Variants in ZDHHC11B observed in about 807,000 individuals in gnomAD.
ZDHHC11B encodes zDHHC palmitoyltransferase 11B (putative).
In ZDHHC11B, 17 loss-of-function variants were observed where a neutral mutation model predicts 42.3. That is an observed-to-expected ratio of 0.40 (90% CI 0.27 to 0.60). The LOEUF (loss-of-function observed/expected upper bound fraction) is 0.60. Among genes scored for constraint, ZDHHC11B ranks in the 20% least tolerant of loss-of-function variants. ZDHHC11B has a pLI of 0.41. For missense variants in ZDHHC11B, 262 were observed against 463.2 expected, an observed-to-expected ratio of 0.57 and a Z score of 3.99; for synonymous variants, 123 against 193.5, an observed-to-expected ratio of 0.64 and a Z score of 3.02.
At chr5:766,050 G>A (rs1158884880) in intron 4 of ZDHHC11B, among the ~76,000 whole-genome samples, 1 of 151,900 alleles carries the variant, frequency 6.6e-6, no homozygotes, top group Non-Finnish European at 1.5e-5. Context: ...ATGTCTCAGT[G>A]ACCCTAGGGG....
intron 12 of ZDHHC11B, among the ~76,000 whole-genome samples, chr5:717,652 G>T (rs1293420556): frequency 5.9e-5 from 9 of 151,818 alleles, no homozygotes; most frequent in South Asian, 2.1e-4. Context: ...GTAAGGACAG[G>T]ACATCAAAGA....
Position 714,954 on chromosome 5 carries a change from C to T in ZDHHC11B, c.*7+1847G>A, listed in dbSNP as rs1257449680. ...CCTTGTTGTTGAAAAGGGCCTGGAGCCTCCCCCAGCCCTTCGCCTCCTCTC... is the reference window on the plus strand; with the variant it reads ...CCTTGTTGTTGAAAAGGGCCTGGAGTCTCCCCCAGCCCTTCGCCTCCTCTC... On this transcript the variant is annotated intron_variant, in intron 13 of 13. Transcript: ENST00000508859. Among the ~76,000 whole-genome samples, 19 of 151,370 alleles carry T rather than the reference C, an allele frequency of 1.3e-4. 1 individual carries two copies. Among genetic ancestry groups the T allele is most frequent in the African/African-American group, 4.6e-4 (19 of 40,966 alleles).
In ZDHHC11B at chr5:730,482, G is replaced by T. The variant is rs769806845; in HGVS notation, c.1024-14C>A. ...ATCATCTGCTTCCTGTGGGGGGAAG[G>T]GAAGCAAAATTCTTAGGATGAACAA... On this transcript the variant is annotated splice_polypyrimidine_tract_variant and intron_variant, in intron 11 of 13. Coordinates refer to ENST00000508859, the MANE Select transcript of ZDHHC11B (RefSeq NM_001351303.2). 6.4e-7 allele frequency: 1 copy of T among 1,554,850 alleles called. No homozygotes were observed. Among genetic ancestry groups the T allele is most frequent in the Non-Finnish European group, 8.6e-7 (1 of 1,160,814 alleles).
chr5:758,588 G>A lies in ZDHHC11B; in HGVS notation c.223-2444C>T, dbSNP rs532381577. On this transcript the variant is annotated intron_variant, in intron 4 of 13. Coordinates refer to ENST00000508859, the MANE Select transcript of ZDHHC11B (RefSeq NM_001351303.2). Reference sequence around the variant, plus strand: ...CGTGGAGCTGCCTGAGCCCATTCCCGAGCCAGTCCCCAAACCTGCAGGCGC... The same window carrying A: ...CGTGGAGCTGCCTGAGCCCATTCCCAAGCCAGTCCCCAAACCTGCAGGCGC... Among the ~76,000 whole-genome samples, 72 of 151,660 alleles carry A rather than the reference G, an allele frequency of 4.7e-4. 1 individual carries two copies. The highest frequency in any genetic ancestry group is 1.5e-3 in the African/African-American group (62 of 41,324).
At chr5:742,046 A>T (rs1160827778) in intron 9 of ZDHHC11B, among the ~76,000 whole-genome samples, 1 of 134,004 alleles carries the variant, frequency 7.5e-6, no homozygotes, top group African/African-American at 2.7e-5. Flanking sequence ...CCTGATGTAG[A>T]ATGATGTTGA....
chr5:758,715 A>T (rs1358470457), intron 4 of ZDHHC11B, among the ~76,000 whole-genome samples: 1 of 151,692 alleles, frequency 6.6e-6, no homozygotes, highest in Non-Finnish European at 1.5e-5. Context: ...CTTCACCTGG[A>T]CAGCTCCCTG....
At chr5:773,134 T>A (rs1736192861) in intron 1 of ZDHHC11B, among the ~76,000 whole-genome samples, 1 of 151,740 alleles carries the variant, frequency 6.6e-6, no homozygotes, top group Non-Finnish European at 1.5e-5. Context: ...AAGAATACAT[T>A]TAGTTTTAAG....
chr5:762,772 C>G lies in ZDHHC11B; in HGVS notation c.222+3926G>C, dbSNP rs182425375. ...ATGATAGAAAAAAAAGCAAAGTAAA[C>G]CCAAGGTCAGTTGAAGGAAGTAGTA... On this transcript the variant is annotated intron_variant, in intron 4 of 13. Coordinates refer to ENST00000508859, the MANE Select transcript of ZDHHC11B (RefSeq NM_001351303.2). Among the ~76,000 whole-genome samples the G allele has an allele frequency of 3.0e-3, 450 of 151,484 alleles. 11 individuals are homozygous for G. The highest frequency in any genetic ancestry group is 0.014 in the South Asian group (66 of 4,762).
At chr5:746,285 G>A (rs1159675762) in intron 8 of ZDHHC11B, among the ~76,000 whole-genome samples, 1 of 146,212 alleles carries the variant, frequency 6.8e-6, no homozygotes, top group Non-Finnish European at 1.5e-5. Flanking sequence ...AGATGGCGGT[G>A]GGCACCCTGG....
At chr5:729,351 G>A (rs1742833407) in intron 12 of ZDHHC11B, among the ~76,000 whole-genome samples, 1 of 151,130 alleles carries the variant, frequency 6.6e-6, no homozygotes, top group Non-Finnish European at 1.5e-5. Context: ...AGAGGTCCTA[G>A]GCCAGGACGG....
intron 4 of ZDHHC11B, among the ~76,000 whole-genome samples, chr5:763,925 T>C (rs1734949953): frequency 6.6e-6 from 1 of 151,818 alleles, no homozygotes; most frequent in African/African-American, 2.4e-5. Flanking sequence ...AGCAAAAGCT[T>C]CACTGTTGAA....
chr5:727,969 A>G (rs1381292397), intron 12 of ZDHHC11B, among the ~76,000 whole-genome samples: 7 of 151,308 alleles, frequency 4.6e-5, no homozygotes, highest in Middle Eastern at 3.4e-3. Flanking sequence ...AAAAGACACG[A>G]TAAACACAAA....
intron 1 of ZDHHC11B, among the ~76,000 whole-genome samples, chr5:777,889 C>CA (rs534630532): frequency 0.018 from 2,674 of 151,030 alleles, 99 homozygotes; most frequent in African/African-American, 0.061. Flanking sequence ...CGGGAGGCCC[C>CA]AGCACCGAGG....
chr5:715,976 T>C (rs1434476090), intron 13 of ZDHHC11B, among the ~76,000 whole-genome samples: 12 of 150,806 alleles, frequency 8.0e-5, no homozygotes, highest in African/African-American at 2.7e-4. Flanking sequence ...CAGGATACAG[T>C]ATGCCCTATA....
intron 1 of ZDHHC11B, among the ~76,000 whole-genome samples, chr5:780,817 G>C (rs1222949730): frequency 1.3e-5 from 2 of 152,016 alleles, no homozygotes; most frequent in Non-Finnish European, 2.9e-5. Context: ...TGAGAAGGCA[G>C]AGGTGCCACC....
chr5:777,906 G>C (rs1407777781), intron 1 of ZDHHC11B, among the ~76,000 whole-genome samples: 9 of 151,182 alleles, frequency 6.0e-5, no homozygotes, highest in Non-Finnish European at 1.0e-4. Context: ...GAGGGAGCCC[G>C]GGGCGGGGGA....
intron 12 of ZDHHC11B, among the ~76,000 whole-genome samples, chr5:723,156 A>T (rs1742317393): frequency 6.7e-6 from 1 of 150,344 alleles, no homozygotes; most frequent in African/African-American, 2.5e-5. Flanking sequence ...AAATAAACAA[A>T]ATACGGAGTC....
intron 1 of ZDHHC11B, among the ~76,000 whole-genome samples, chr5:776,762 G>A (rs1361455808): frequency 1.3e-5 from 2 of 151,942 alleles, no homozygotes; most frequent in South Asian, 4.2e-4. Flanking sequence ...CTGCCGAGGA[G>A]GTGCTTCCCC....
intron 12 of ZDHHC11B, among the ~76,000 whole-genome samples, chr5:717,514 G>A (rs567689933): frequency 6.6e-6 from 1 of 151,808 alleles, no homozygotes; most frequent in South Asian, 2.1e-4. Context: ...GATTTTGAAA[G>A]ACCCACAAGC....
Sources: allele counts gnomAD v4.1 joint callset (sites outside exome capture counted in the v4.1 genomes callset), GRCh38; gene constraint gnomAD v4.1.1; transcripts MANE v1.5; gene names NCBI Gene and HGNC (gene_info 2026-07-23, HGNC 2026-07-21).